SYT16: variants seen among roughly 807,000 people sequenced by gnomAD.
SYT16 encodes synaptotagmin-16.
In SYT16, 42 loss-of-function variants were observed where a neutral mutation model predicts 61.4. The observed-to-expected ratio is 0.68, with a 90% confidence interval of 0.53 to 0.89. The LOEUF (loss-of-function observed/expected upper bound fraction) is 0.89. Ranked by LOEUF, SYT16 falls within the 40% of genes least tolerant of loss-of-function variation. The pLI, the probability that SYT16 is intolerant of heterozygous loss-of-function variation, is 0.00. For missense variants in SYT16, 804 were observed against 807.3 expected (o/e 1.00, Z 0.05); for synonymous variants, 314 against 302.3 (o/e 1.04, Z -0.40).
At chr14:62,092,054 A>T (rs1006107668) in intron 7 of SYT16, among the ~76,000 whole-genome samples, 1 of 152,124 alleles carries the variant, frequency 6.6e-6, no homozygotes, top group Non-Finnish European at 1.5e-5. Flanking sequence ...ACATTCCTCC[A>T]AAGTTGATAT....
chr14:62,095,774 T>C (rs1407166338), intron 7 of SYT16, among the ~76,000 whole-genome samples: 2 of 152,058 alleles, frequency 1.3e-5, no homozygotes, highest in East Asian at 3.8e-4. Context: ...GTTTTGTTTT[T>C]TACAGAGCTT....
intron 1 of SYT16, among the ~76,000 whole-genome samples, chr14:61,928,481 T>A (rs1214450088): frequency 6.6e-6 from 1 of 152,226 alleles, no homozygotes; most frequent in Non-Finnish European, 1.5e-5. Flanking sequence ...TTCCTTTTTG[T>A]GTGTCTGAAT....
intron 1 of SYT16, among the ~76,000 whole-genome samples, chr14:61,860,352 A>G (rs930716535): frequency 1.3e-5 from 2 of 152,226 alleles, no homozygotes; most frequent in Non-Finnish European, 2.9e-5. Flanking sequence ...CATCATTTGC[A>G]TATCAGTAAG....
intron 2 of SYT16, among the ~76,000 whole-genome samples, chr14:61,985,674 A>G (rs989414598): frequency 5.9e-5 from 9 of 152,150 alleles, no homozygotes; most frequent in Non-Finnish European, 1.2e-4. Flanking sequence ...TTCATTTGAC[A>G]TTTTGCAAAT....
chr14:62,063,202 C>T (rs1374451335), intron 3 of SYT16, among the ~76,000 whole-genome samples: 13 of 152,082 alleles, frequency 8.5e-5, no homozygotes, highest in Admixed American at 8.5e-4. Flanking sequence ...TTGTATTTTC[C>T]ACCCTTCCAC....
intron 1 of SYT16, among the ~76,000 whole-genome samples, chr14:61,915,939 A>G (rs1450634438): frequency 2.0e-5 from 3 of 152,220 alleles, no homozygotes; most frequent in Admixed American, 1.3e-4. Context: ...AGGACAAAAG[A>G]AATAGTACAA....
chr14:62,016,698 A>G (rs7145231), intron 3 of SYT16, among the ~76,000 whole-genome samples: 68,966 of 151,782 alleles, frequency 0.45, 16,129 homozygotes, highest in East Asian at 0.68. Flanking sequence ...GGGTGACAGA[A>G]CTAGACTCTG....
intron 1 of SYT16, among the ~76,000 whole-genome samples, chr14:61,847,981 G>C (rs1466063433): frequency 6.6e-6 from 1 of 152,016 alleles, no homozygotes; most frequent in Admixed American, 6.6e-5. Flanking sequence ...GAATTTCATC[G>C]AGTTTCCTCA....
chr14:62,092,019 A>G lies in SYT16; in HGVS notation c.1624+7634A>G, dbSNP rs144074569. 2.6e-5 allele frequency among the ~76,000 whole-genome samples: 4 copies of G among 152,294 alleles called. No individual in the cohort carries two copies. The East Asian group carries it at 7.7e-4, about 29-fold the overall frequency. ...CTCAACAACAAAACAGTGTGAGTTT[A>G]AAACTGGATTAAAGACTTGAGTAGA... On this transcript the variant is annotated intron_variant, in intron 7 of 7. Coordinates refer to ENST00000683842, the MANE Select transcript of SYT16 (RefSeq NM_001367656.1).
chr14:61,967,049 A>C (rs142452980), intron 1 of SYT16, among the ~76,000 whole-genome samples: 2 of 152,222 alleles, frequency 1.3e-5, no homozygotes, highest in East Asian at 3.9e-4. Context: ...GGTAGGTGGC[A>C]ACACACTGTA....
chr14:62,003,660 T>A (rs1362160398), intron 3 of SYT16, among the ~76,000 whole-genome samples: 2 of 152,120 alleles, frequency 1.3e-5, no homozygotes, highest in African/African-American at 4.8e-5. Context: ...GTTTATATGC[T>A]TAACACTACA....
chr14:61,933,092 C>T (rs1481055456), intron 1 of SYT16, among the ~76,000 whole-genome samples: 3 of 152,172 alleles, frequency 2.0e-5, no homozygotes, highest in East Asian at 3.8e-4. Flanking sequence ...GCCATGGAAA[C>T]GCAAAAGCTT....
At chr14:62,003,283 C>T (rs1016640385) in intron 3 of SYT16, among the ~76,000 whole-genome samples, 165 of 152,138 alleles carry the variant, frequency 1.1e-3, no homozygotes, top group African/African-American at 3.9e-3. Flanking sequence ...CTGCTCTCCA[C>T]CCGTCTTTCT....
intron 4 of SYT16, among the ~76,000 whole-genome samples, chr14:62,070,609 G>T (rs1294946446): frequency 6.6e-6 from 1 of 152,178 alleles, no homozygotes; most frequent in Non-Finnish European, 1.5e-5. Context: ...AAACAGAACA[G>T]TACACTATTT....
chr14:62,021,961 T>G (rs575223751), intron 3 of SYT16, among the ~76,000 whole-genome samples: 1 of 152,266 alleles, frequency 6.6e-6, no homozygotes, highest in East Asian at 1.9e-4. Context: ...TCTTAAATTT[T>G]GGGTTATTTT....
At chr14:61,831,831 G>C (rs966254658) in intron 1 of SYT16, 5 of 371,620 alleles carry the variant, frequency 1.3e-5, no homozygotes, top group African/African-American at 4.2e-5. Context: ...GGAGGTGACA[G>C]AGCAAGGCTC....
rs562800449 is a variant in SYT16, at chr14:62,055,533, C to T, written c.524-14070C>T. 8.5e-5 allele frequency among the ~76,000 whole-genome samples: 13 copies of T among 152,290 alleles called. No homozygotes were observed. In the South Asian group the frequency reaches 2.7e-3, roughly 32 times the overall value. On this transcript the variant is annotated intron_variant, in intron 3 of 7. Transcript: ENST00000683842. ...GTTTTGTGATCCCTGCAGTCAGAAC[C>T]AATCACCCTACCTGTCAGTACTTTC... is the stretch of plus-strand genomic sequence containing the variant.
At chr14:61,936,837 G>A (rs1050736723) in intron 1 of SYT16, among the ~76,000 whole-genome samples, 1 of 152,220 alleles carries the variant, frequency 6.6e-6, no homozygotes. Flanking sequence ...GGCCTGACAT[G>A]TTCCCTTCCT....
intron 1 of SYT16, among the ~76,000 whole-genome samples, chr14:61,850,592 G>T (rs1462289274): frequency 6.6e-6 from 1 of 152,064 alleles, no homozygotes; most frequent in South Asian, 2.1e-4. Context: ...ACTTTATTAT[G>T]TCTACCCAGT....
Sources: gnomAD v4.1 joint callset for allele counts (sites outside exome capture counted in the v4.1 genomes callset) on GRCh38, gnomAD v4.1.1 for gene constraint, MANE v1.5 for transcripts, NCBI Gene and HGNC (gene_info 2026-07-23, HGNC 2026-07-21) for gene names.